DSCAM: variants seen among roughly 807,000 people sequenced by gnomAD.
DSCAM encodes DS cell adhesion molecule, also known as cell adhesion molecule DSCAM.
DSCAM carries 47 observed loss-of-function variants against 217.7 expected under a neutral mutation model. That is an observed-to-expected ratio of 0.22 (90% CI 0.17 to 0.28). DSCAM has a LOEUF of 0.28. Ranked by LOEUF, DSCAM falls within the 10% of genes least tolerant of loss-of-function variation. The pLI is 1.00. For missense variants in DSCAM, 2,080 were observed against 2,618.3 expected (o/e 0.79, Z 4.49); for synonymous variants, 1,056 against 1,015.3 (o/e 1.04, Z -0.76).
intron 14 of DSCAM, 62 bp downstream of exon 14, chr21:40,187,069 A>G: frequency 6.3e-7 from 1 of 1,595,096 alleles, no homozygotes; most frequent in Non-Finnish European, 8.6e-7. Flanking sequence ...ACACATTAAT[A>G]AGGAGAAAAA....
intron 4 of DSCAM, among the ~76,000 whole-genome samples, chr21:40,358,525 G>T (rs1284986562): frequency 6.6e-6 from 1 of 152,066 alleles, no homozygotes; most frequent in Non-Finnish European, 1.5e-5. Flanking sequence ...ATTAAGAACT[G>T]GCCCAGTGCG....
chr21:40,086,666 C>G (rs2089536469), intron 22 of DSCAM, among the ~76,000 whole-genome samples: 1 of 152,176 alleles, frequency 6.6e-6, no homozygotes, highest in Admixed American at 6.5e-5. Context: ...CTCCCTCTAT[C>G]TTGGCTCCTA....
chr21:40,373,384 A>G (rs1406594024), intron 3 of DSCAM, among the ~76,000 whole-genome samples: 1 of 130,604 alleles, frequency 7.7e-6, no homozygotes, highest in African/African-American at 2.7e-5. Flanking sequence ...TGCAAAAAGG[A>G]GAGAGACAGC....
At chr21:40,674,625 T>TC (rs1381297972) in intron 3 of DSCAM, among the ~76,000 whole-genome samples, 4 of 104,146 alleles carry the variant, frequency 3.8e-5, no homozygotes, top group African/African-American at 1.3e-4. Context: ...TTTTTCTTTT[T>TC]CTTTTTCTTT....
Position 40,786,076 on chromosome 21 carries a change from A to C in DSCAM, c.43+60543T>G, listed in dbSNP as rs978697209. On this transcript the variant is annotated intron_variant, in intron 1 of 32. Transcript: ENST00000400454. ...ACATGGAGAAACCCTGTCTCTACCAAAAATACAAAATTAGCCAGGCATGGT... is the reference window on the plus strand; with the variant it reads ...ACATGGAGAAACCCTGTCTCTACCACAAATACAAAATTAGCCAGGCATGGT... Among the ~76,000 whole-genome samples, 7 of 152,138 alleles carry C rather than the reference A, an allele frequency of 4.6e-5. No homozygotes were observed. In the East Asian group the frequency reaches 1.4e-3, roughly 29 times the overall value.
At chr21:40,580,593 T>C (rs573150697) in intron 3 of DSCAM, among the ~76,000 whole-genome samples, 1 of 151,454 alleles carries the variant, frequency 6.6e-6, no homozygotes, top group Non-Finnish European at 1.5e-5. Flanking sequence ...GATTTTAAAA[T>C]TGTAATTAAA....
At chr21:40,516,298 G>T (rs1193787455) in intron 3 of DSCAM, among the ~76,000 whole-genome samples, 2 of 152,052 alleles carry the variant, frequency 1.3e-5, no homozygotes, top group East Asian at 3.8e-4. Flanking sequence ...CAAATTATCT[G>T]GTGCCCCTGG....
chr21:40,736,678 A>G (rs1350934418), intron 1 of DSCAM, among the ~76,000 whole-genome samples: 2 of 152,110 alleles, frequency 1.3e-5, no homozygotes, highest in Non-Finnish European at 1.5e-5. Context: ...AGGACATCTC[A>G]AGGGTTTTAG....
intron 8 of DSCAM, among the ~76,000 whole-genome samples, chr21:40,333,776 C>A (rs2074401231): frequency 6.6e-6 from 1 of 152,212 alleles, no homozygotes; most frequent in Non-Finnish European, 1.5e-5. Flanking sequence ...CAGTCTTGCA[C>A]TCCTGGCCTC....
chr21:40,809,515 C>T (rs546237278), intron 1 of DSCAM, among the ~76,000 whole-genome samples: 6 of 152,102 alleles, frequency 3.9e-5, no homozygotes, highest in African/African-American at 1.4e-4. Flanking sequence ...TGTAAATTAT[C>T]GCTCAATAAA....
chr21:40,216,876 A>G (rs184554881), intron 11 of DSCAM, among the ~76,000 whole-genome samples: 25 of 152,342 alleles, frequency 1.6e-4, no homozygotes, highest in Admixed American at 1.6e-3. Flanking sequence ...TAAGTGACCA[A>G]TGTCTTTTCT....
At chr21:40,221,608 G>A (rs937836556) in intron 11 of DSCAM, among the ~76,000 whole-genome samples, 7 of 151,948 alleles carry the variant, frequency 4.6e-5, no homozygotes, top group African/African-American at 1.7e-4. Flanking sequence ...TGAGATCAGA[G>A]CTATTTTCAG....
rs531442526 is a variant in DSCAM, at chr21:40,360,289, C to T, written c.656-6546G>A. Among the ~76,000 whole-genome samples the T allele has an allele frequency of 4.6e-5, 7 of 151,924 alleles. No homozygotes were observed. In the East Asian group the frequency reaches 5.8e-4, roughly 13 times the overall value. On this transcript the variant is annotated intron_variant, in intron 4 of 32. Transcript: ENST00000400454. ...CTGGGACTACAGGCGCCTACCACCA[C>T]GCCCGGCTAATTTTTTTTGTATTTT...
intron 16 of DSCAM, among the ~76,000 whole-genome samples, chr21:40,165,846 G>A (rs1426473854): frequency 3.3e-5 from 5 of 152,158 alleles, no homozygotes; most frequent in Admixed American, 6.5e-5. Flanking sequence ...GTAGAGTGGC[G>A]GGAATGCGTG....
intron 11 of DSCAM, among the ~76,000 whole-genome samples, chr21:40,231,824 A>G (rs560005374): frequency 4.3e-4 from 65 of 152,312 alleles, no homozygotes; most frequent in African/African-American, 1.5e-3. Context: ...CTTGTTGTAA[A>G]GATGAGAATG....
chr21:40,552,248 A>T (rs969336216), intron 3 of DSCAM, among the ~76,000 whole-genome samples: 3 of 151,966 alleles, frequency 2.0e-5, no homozygotes, highest in Non-Finnish European at 4.4e-5. Context: ...TGGGCATTGG[A>T]GGTTGCAGTG....
chr21:40,121,681 C>CTTTTTTTTTTTTTTTTTTTTTT lies in DSCAM; in HGVS notation c.3696+2492_3696+2513dup, dbSNP rs201672838. Among the ~76,000 whole-genome samples, 28 of 73,744 alleles carry CTTTTTTTTTTTTTTTTTTTTTT rather than the reference C, an allele frequency of 3.8e-4. 2 individuals carry two copies. Among genetic ancestry groups the CTTTTTTTTTTTTTTTTTTTTTT allele is most frequent in the African/African-American group, 6.3e-4 (11 of 17,396 alleles). The allele number at this position is 73,744 out of a possible 152,430, so 48.4% of individuals were successfully genotyped here. A position where few individuals can be genotyped will look rare whatever the true frequency, so the allele number is the denominator to read the frequency against. On this transcript the variant is annotated intron_variant, in intron 20 of 32. Transcript: ENST00000400454. ...CTGGTGGGTTTGCTCTCATTACTGT[C>CTTTTTTTTTTTTTTTTTTTTTT]TTTTTTTTTTTTTTTTTTTTTTTTT...
At chr21:40,527,877 A>G (rs912522214) in intron 3 of DSCAM, among the ~76,000 whole-genome samples, 2 of 152,140 alleles carry the variant, frequency 1.3e-5, no homozygotes, top group Non-Finnish European at 2.9e-5. Context: ...CTCTCCTTTT[A>G]TCTGAAGACC....
At chr21:40,410,792 T>C (rs1434391121) in intron 3 of DSCAM, among the ~76,000 whole-genome samples, 1 of 150,074 alleles carries the variant, frequency 6.7e-6, no homozygotes, top group Non-Finnish European at 1.5e-5. Context: ...TAAGTAAAGT[T>C]GAGTCTTGCT....
Sources: gnomAD v4.1 joint callset for allele counts (sites outside exome capture counted in the v4.1 genomes callset) on GRCh38, gnomAD v4.1.1 for gene constraint, MANE v1.5 for transcripts, NCBI Gene and HGNC (gene_info 2026-07-23, HGNC 2026-07-21) for gene names.